Variants in EXT1 observed in about 807,000 individuals in gnomAD.
EXT1 encodes exostosin-1.
In EXT1, 20 loss-of-function variants were observed where a neutral mutation model predicts 82.5. The observed-to-expected ratio is 0.24, with a 90% CI of 0.17 to 0.35. EXT1 has a LOEUF of 0.35. Ranked by LOEUF, EXT1 falls within the 10% of genes least tolerant of loss-of-function variation. The pLI, the probability that EXT1 is intolerant of heterozygous loss-of-function variation, is 1.00. For synonymous variants in EXT1, 348 were observed against 350.8 expected (o/e 0.99, Z 0.09); for missense variants, 757 against 936.5 (o/e 0.81, Z 2.50).
chr8:117,799,930 G>A, intron 10 of EXT1, 33 bp from the exon 11 acceptor site: 1 of 1,607,810 alleles, frequency 6.2e-7, no homozygotes, highest in Non-Finnish European at 8.5e-7. Flanking sequence ...GGATAATGAT[G>A]AGAGAAGTGC....
At chr8:117,815,139 A>G (rs1201024310) in intron 7 of EXT1, among the ~76,000 whole-genome samples, 2 of 152,202 alleles carry the variant, frequency 1.3e-5, no homozygotes, top group African/African-American at 4.8e-5. Flanking sequence ...TCCTCCTGAT[A>G]CTGTTTACAT....
Position 117,917,291 on chromosome 8 carries a change from T to C in EXT1, c.963-80090A>G, listed in dbSNP as rs2130004045. ...AAGTTAGAGACTAGCTTGGCGGACA[T>C]GGCTTAATCCCGTCTCTACCAAAAA... On this transcript the variant is annotated intron_variant, in intron 1 of 10. Coordinates refer to ENST00000378204, the MANE Select transcript of EXT1 (RefSeq NM_000127.3). 2.6e-5 allele frequency among the ~76,000 whole-genome samples: 4 copies of C among 152,148 alleles called. No individual in the cohort carries two copies. In the Middle Eastern group the frequency reaches 0.014, roughly 518 times the overall value.
chr8:118,104,996 A>G (rs1817783257), intron 1 of EXT1, among the ~76,000 whole-genome samples: 1 of 152,190 alleles, frequency 6.6e-6, no homozygotes, highest in Non-Finnish European at 1.5e-5. Context: ...TCGGGCCATA[A>G]AACCTGGGTT....
chr8:117,993,551 AG>A (rs1369794287), intron 1 of EXT1, among the ~76,000 whole-genome samples: 1 of 152,248 alleles, frequency 6.6e-6, no homozygotes, highest in African/African-American at 2.4e-5. Flanking sequence ...CTATTGTAGC[AG>A]GAAGTCTCAT....
chr8:118,059,183 G>A (rs1816842417), intron 1 of EXT1, among the ~76,000 whole-genome samples: 1 of 152,210 alleles, frequency 6.6e-6, no homozygotes, highest in South Asian at 2.1e-4. Flanking sequence ...AAGCCTTTTA[G>A]GGCAACAGGG....
At position 117,863,014 on chromosome 8, in the gene EXT1, G is replaced by A. The variant is rs566390664; in HGVS notation, c.963-25813C>T. Among the ~76,000 whole-genome samples the A allele has an allele frequency of 1.6e-4, 24 of 152,264 alleles. 1 individual carries two copies. The highest frequency in any genetic ancestry group is 5.3e-4 in the African/African-American group (22 of 41,550). ...GGTGTTGGCAGAGGAAGGAAGGGAA[G>A]TGATATGGTCAAAGGTATTTGACTA... On this transcript the variant is annotated intron_variant, in intron 1 of 10. Transcript: ENST00000378204.
intron 1 of EXT1, among the ~76,000 whole-genome samples, chr8:118,003,160 C>G (rs1815706918): frequency 6.6e-6 from 1 of 152,042 alleles, no homozygotes; most frequent in Admixed American, 6.5e-5. Flanking sequence ...AATGGAAAAC[C>G]AAACATCATA....
At chr8:117,948,315 C>T (rs1459144476) in intron 1 of EXT1, among the ~76,000 whole-genome samples, 1 of 89,384 alleles carries the variant, frequency 1.1e-5, no homozygotes, top group East Asian at 3.1e-4. Flanking sequence ...TCTGACTGCC[C>T]TTGCCAAAAA....
At chr8:117,845,925 G>C (rs565084669) in intron 1 of EXT1, among the ~76,000 whole-genome samples, 27 of 152,276 alleles carry the variant, frequency 1.8e-4, no homozygotes, top group Non-Finnish European at 3.5e-4. Context: ...CACAGGTTTT[G>C]TTCGGTTTGT....
intron 1 of EXT1, among the ~76,000 whole-genome samples, chr8:117,861,085 A>C (rs1812675935): frequency 6.6e-6 from 1 of 152,228 alleles, no homozygotes. Flanking sequence ...ACCCACTGGA[A>C]CTATTACTCT....
In EXT1 at chr8:117,984,230, C is replaced by T. The variant is rs1389975265; in HGVS notation, c.962+125855G>A. 2.0e-5 allele frequency among the ~76,000 whole-genome samples: 3 copies of T among 151,984 alleles called. No homozygotes were observed. The East Asian group carries it at 5.8e-4, about 29-fold the overall frequency. On this transcript the variant is annotated intron_variant, in intron 1 of 10. Transcript: ENST00000378204. The stretch of plus-strand genomic sequence containing the variant: ...GGTCAGAAGCTCCAGACCAGCCTGG[C>T]GAATATGGCAAAACCCTGTCTTTAC...
intron 2 of EXT1, 51 bp from the exon 3 acceptor site, chr8:117,835,602 T>C (rs1812176664): frequency 1.5e-6 from 2 of 1,360,208 alleles, no homozygotes; most frequent in African/African-American, 1.4e-5. Flanking sequence ...CAGCAGAAGC[T>C]GTTCCAATCA....
chr8:117,895,433 T>G (rs1813318165), intron 1 of EXT1, among the ~76,000 whole-genome samples: 1 of 152,116 alleles, frequency 6.6e-6, no homozygotes, highest in African/African-American at 2.4e-5. Flanking sequence ...TCAATGCAAT[T>G]ATATTATAAA....
chr8:118,070,569 C>T (rs577784976), intron 1 of EXT1, among the ~76,000 whole-genome samples: 1 of 152,134 alleles, frequency 6.6e-6, no homozygotes, highest in African/African-American at 2.4e-5. Flanking sequence ...ATAAAGAAAG[C>T]CATAATTTTT....
At chr8:117,897,413 T>C (rs867006739) in intron 1 of EXT1, among the ~76,000 whole-genome samples, 1 of 152,140 alleles carries the variant, frequency 6.6e-6, no homozygotes, top group African/African-American at 2.4e-5. Context: ...AGGTCTCCTG[T>C]GTGCTGGAAT....
intron 1 of EXT1, among the ~76,000 whole-genome samples, chr8:118,013,498 T>C (rs1356286422): frequency 6.6e-6 from 1 of 152,122 alleles, no homozygotes; most frequent in Non-Finnish European, 1.5e-5. Flanking sequence ...CATGAGCCAC[T>C]GGGCCCCTTA....
At chr8:118,055,723 A>G (rs1816784577) in intron 1 of EXT1, among the ~76,000 whole-genome samples, 1 of 152,222 alleles carries the variant, frequency 6.6e-6, no homozygotes, top group African/African-American at 2.4e-5. Context: ...TCATAGGGCT[A>G]TTGGGAAGAT....
At chr8:117,894,740 C>T (rs1394819465) in intron 1 of EXT1, among the ~76,000 whole-genome samples, 1 of 152,136 alleles carries the variant, frequency 6.6e-6, no homozygotes, top group Admixed American at 6.5e-5. Context: ...CCAAGACAGC[C>T]ACCTCTGCCA....
intron 1 of EXT1, among the ~76,000 whole-genome samples, chr8:117,988,801 C>T (rs1221329133): frequency 6.6e-6 from 1 of 152,224 alleles, no homozygotes; most frequent in Admixed American, 6.5e-5. Flanking sequence ...TCCCTGTGGA[C>T]AGATGAGCAC....
Sources: gnomAD v4.1 joint callset for allele counts (sites outside exome capture counted in the v4.1 genomes callset) on GRCh38, gnomAD v4.1.1 for gene constraint, MANE v1.5 for transcripts, NCBI Gene and HGNC (gene_info 2026-07-23, HGNC 2026-07-21) for gene names.